The following PPARGC1A variants were observed in gnomAD, a reference collection of about 807,000 sequenced individuals.
PPARGC1A encodes the protein PPARG coactivator 1 alpha.
Under a neutral mutation model 88.7 loss-of-function variants are expected in PPARGC1A, and 25 were observed. The observed-to-expected ratio is 0.28, with a 90% CI of 0.21 to 0.39. The LOEUF (loss-of-function observed/expected upper bound fraction) is 0.39, where lower values mean the gene tolerates loss of function less well. PPARGC1A is among the 10% of genes least tolerant of loss of function. PPARGC1A has a pLI of 1.00. For synonymous variants in PPARGC1A, 363 were observed against 355.6 expected (o/e 1.02, Z -0.24); for missense variants, 880 against 968.7 (o/e 0.91, Z 1.22).
the PPARGC1A span, among the ~76,000 whole-genome samples, chr4:24,304,805 G>T: frequency 1.3e-5 from 2 of 152,230 alleles, no homozygotes; most frequent in Admixed American, 6.5e-5. Context: ...TATAAGGAAG[G>T]TATATATCTT....
the PPARGC1A span, among the ~76,000 whole-genome samples, chr4:24,168,752 G>A: frequency 6.6e-6 from 1 of 152,132 alleles, no homozygotes; most frequent in South Asian, 2.1e-4. Context: ...AAATACTACG[G>A]TGTTGGATTA....
At chr4:24,225,540 C>T in the PPARGC1A span, among the ~76,000 whole-genome samples, 1 of 149,268 alleles carries the variant, frequency 6.7e-6, no homozygotes, top group South Asian at 2.1e-4. Context: ...AAAAAAAAAA[C>T]ACACACACAC....
upstream of PPARGC1A, among the ~76,000 whole-genome samples, chr4:23,890,601 GCTTTT>G (rs1717687583): frequency 1.1e-5 from 1 of 88,972 alleles, no homozygotes; most frequent in African/African-American, 4.8e-5. Context: ...CGCAAACGGG[GCTTTT>G]TTTTTTTTTT....
the PPARGC1A span, among the ~76,000 whole-genome samples, chr4:23,916,335 A>G: frequency 6.6e-6 from 1 of 152,194 alleles, no homozygotes; most frequent in African/African-American, 2.4e-5. Flanking sequence ...TCATGGAAGA[A>G]TATATTCATC....
chr4:24,003,018 G>GTCGC, the PPARGC1A span, among the ~76,000 whole-genome samples: 1 of 152,092 alleles, frequency 6.6e-6, no homozygotes, highest in Non-Finnish European at 1.5e-5. Flanking sequence ...CCTCTTCTCA[G>GTCGC]TCGCCCCAGA....
the PPARGC1A span, among the ~76,000 whole-genome samples, chr4:24,176,527 G>A: frequency 2.0e-5 from 3 of 152,086 alleles, no homozygotes; most frequent in African/African-American, 7.2e-5. Context: ...AATAGGAAGG[G>A]ATATTAAGGA....
At chr4:24,436,838 G>A in the PPARGC1A span, among the ~76,000 whole-genome samples, 3 of 147,882 alleles carry the variant, frequency 2.0e-5, no homozygotes, top group South Asian at 4.3e-4. Flanking sequence ...AGCTGACATC[G>A]ATTGGCCACC....
At chr4:24,009,341 T>C in the PPARGC1A span, among the ~76,000 whole-genome samples, 4 of 152,202 alleles carry the variant, frequency 2.6e-5, no homozygotes, top group Admixed American at 6.6e-5. Flanking sequence ...AAGTTTCTTC[T>C]GCAGGCTTCA....
the PPARGC1A span, among the ~76,000 whole-genome samples, chr4:24,128,205 G>C: frequency 6.6e-6 from 1 of 152,088 alleles, no homozygotes; most frequent in South Asian, 2.1e-4. Flanking sequence ...TTATACACTC[G>C]TCCTGGTTTA....
chr4:23,884,536 C>G (rs1473546540), intron 2 of PPARGC1A: 2 of 459,504 alleles, frequency 4.4e-6, no homozygotes, highest in Non-Finnish European at 7.6e-6. Context: ...TTCCTAGTCC[C>G]TAGTTGATTT....
intron 2 of PPARGC1A, among the ~76,000 whole-genome samples, chr4:23,854,989 G>A (rs907461219): frequency 6.6e-6 from 1 of 152,264 alleles, no homozygotes; most frequent in Non-Finnish European, 1.5e-5. Flanking sequence ...ATTCCCACGT[G>A]TGTAGGAGGA....
the PPARGC1A span, among the ~76,000 whole-genome samples, chr4:24,454,132 C>G: frequency 6.6e-6 from 1 of 151,612 alleles, no homozygotes; most frequent in Non-Finnish European, 1.5e-5. Context: ...CCCAATTCCC[C>G]AGCCAGCAGT....
chr4:24,190,970 T>C, the PPARGC1A span, among the ~76,000 whole-genome samples: 6 of 152,024 alleles, frequency 3.9e-5, no homozygotes, highest in African/African-American at 1.5e-4. Flanking sequence ...CCCTCTTCCA[T>C]AAAATAGGGC....
upstream of PPARGC1A, among the ~76,000 whole-genome samples, chr4:23,908,027 G>T (rs1238049901): frequency 6.6e-6 from 1 of 152,080 alleles, no homozygotes; most frequent in Admixed American, 6.6e-5. Context: ...TTAAAGATTT[G>T]TATGAAAAAA....
chr4:24,423,847 T>C, the PPARGC1A span, among the ~76,000 whole-genome samples: 21 of 152,270 alleles, frequency 1.4e-4, no homozygotes, highest in Middle Eastern at 6.8e-3. Flanking sequence ...TGCCTACAAG[T>C]CAGGCCCATC....
the PPARGC1A span, among the ~76,000 whole-genome samples, chr4:24,307,668 A>G: frequency 6.6e-6 from 1 of 152,204 alleles, no homozygotes; most frequent in Admixed American, 6.5e-5. Flanking sequence ...GACCACAGGT[A>G]TATAAGAAGA....
chr4:24,089,901 C>G, the PPARGC1A span, among the ~76,000 whole-genome samples: 3 of 152,166 alleles, frequency 2.0e-5, no homozygotes, highest in African/African-American at 7.2e-5. Flanking sequence ...ATCAGCTGTA[C>G]AGGATCACAT....
At chr4:24,177,003 T>C in the PPARGC1A span, among the ~76,000 whole-genome samples, 18 of 152,178 alleles carry the variant, frequency 1.2e-4, no homozygotes, top group African/African-American at 4.1e-4. Context: ...TCTTGGACTT[T>C]TTTACACTGT....
At chr4:24,079,570 T>G in the PPARGC1A span, among the ~76,000 whole-genome samples, 1 of 152,064 alleles carries the variant, frequency 6.6e-6, no homozygotes, top group Non-Finnish European at 1.5e-5. Flanking sequence ...ATACAATTCT[T>G]AGAATTTATC....
Sources: gnomAD v4.1 joint callset for allele counts (sites outside exome capture counted in the v4.1 genomes callset) on GRCh38, gnomAD v4.1.1 for gene constraint, MANE v1.5 for transcripts, NCBI Gene and HGNC (gene_info 2026-07-23, HGNC 2026-07-21) for gene names.